CLVS2: variants seen among roughly 807,000 people sequenced by gnomAD.
CLVS2 encodes clavesin 2.
A neutral mutation model predicts 29.0 loss-of-function variants in CLVS2; 19 were observed. That is an observed-to-expected ratio of 0.66 (90% CI 0.46 to 0.96). The LOEUF is 0.96. Among genes scored for constraint, CLVS2 ranks in the 40% least tolerant of loss-of-function variants. The pLI is 0.00. For synonymous variants in CLVS2, 161 were observed against 151.3 expected (o/e 1.06, Z -0.47); for missense variants, 294 against 404.1 (o/e 0.73, Z 2.34).
chr6:123,052,737 A>ACTATTCTCGCGCCT (rs1205520780), intron 4 of CLVS2, among the ~76,000 whole-genome samples: 1 of 134,138 alleles, frequency 7.5e-6, no homozygotes, highest in Non-Finnish European at 1.6e-5. Context: ...GTGGAAGAAT[A>ACTATTCTCGCGCCT]GTGACACCAT....
chr6:123,058,371 AG>A (rs1772725425), intron 5 of CLVS2, among the ~76,000 whole-genome samples: 1 of 152,104 alleles, frequency 6.6e-6, no homozygotes, highest in African/African-American at 2.4e-5. Flanking sequence ...GGTGTCCACT[AG>A]TGTTCTTCTT....
chr6:123,055,718 T>C, intron 4 of CLVS2, 88 bp from the exon 5 acceptor site: 1 of 909,966 alleles, frequency 1.1e-6, no homozygotes. Flanking sequence ...TATTTGCTAT[T>C]GCTATCCTCA....
At chr6:123,039,900 C>G (rs192127118) in intron 3 of CLVS2, among the ~76,000 whole-genome samples, 2 of 152,230 alleles carry the variant, frequency 1.3e-5, no homozygotes, top group East Asian at 3.9e-4. Flanking sequence ...CAGTATTCTA[C>G]TTTAAGTTGT....
At chr6:123,047,688 A>C (rs974621496) in intron 3 of CLVS2, among the ~76,000 whole-genome samples, 1 of 152,058 alleles carries the variant, frequency 6.6e-6, no homozygotes, top group South Asian at 2.1e-4. Flanking sequence ...CTCTAAATAG[A>C]ATTCAGAAGA....
intron 3 of CLVS2, among the ~76,000 whole-genome samples, chr6:123,037,442 C>T (rs1052604870): frequency 2.0e-5 from 3 of 152,172 alleles, no homozygotes; most frequent in African/African-American, 7.2e-5. Flanking sequence ...TCTCCAACTT[C>T]ACTTTCTCTC....
intron 3 of CLVS2, among the ~76,000 whole-genome samples, chr6:123,036,443 T>G (rs539986971): frequency 6.6e-6 from 1 of 152,204 alleles, no homozygotes; most frequent in African/African-American, 2.4e-5. Context: ...AGTAAAATCT[T>G]TGAAGCATTG....
chr6:123,022,839 A>G (rs1006392637), intron 3 of CLVS2, among the ~76,000 whole-genome samples: 1 of 152,036 alleles, frequency 6.6e-6, no homozygotes, highest in Non-Finnish European at 1.5e-5. Flanking sequence ...TCTTAAGATG[A>G]CTAAGAGAAA....
rs1232063430 is a variant in CLVS2, at chr6:123,063,713, G to A, written c.936G>A (p.Met312Ile). ...TGGATCCTACAGTACTAAAACGCAT[G>A]GATAAAAATGAGGAAGAAAACATGC... is the stretch of plus-strand genomic sequence containing the variant. ...SVVDPTVLKR[M>I]DKNEEENMQP... The change falls in exon 6 of 6, where the codon ATG (methionine) becomes ATA (isoleucine). Residue 312 changes from methionine (M) to isoleucine (I), a missense_variant. Physicochemically the swap from Met to Ile is conservative, Grantham distance 10. Transcript: ENST00000275162. 1.9e-6 allele frequency: 3 copies of A among 1,612,202 alleles called. No homozygotes were observed. The South Asian group carries it at 3.3e-5, about 18-fold the overall frequency.
intron 3 of CLVS2, among the ~76,000 whole-genome samples, chr6:123,031,983 C>T (rs1164320461): frequency 1.3e-5 from 2 of 152,026 alleles, no homozygotes; most frequent in Non-Finnish European, 2.9e-5. Context: ...GTTAACTTTT[C>T]TTAACACTTT....
At chr6:123,023,646 A>G (rs1425251652) in intron 3 of CLVS2, among the ~76,000 whole-genome samples, 2 of 152,122 alleles carry the variant, frequency 1.3e-5, no homozygotes, top group Admixed American at 6.6e-5. Context: ...TAGGAAAATC[A>G]CATTTTGATT....
chr6:123,024,973 A>G (rs2114326134), intron 3 of CLVS2, among the ~76,000 whole-genome samples: 1 of 152,284 alleles, frequency 6.6e-6, no homozygotes, highest in Non-Finnish European at 1.5e-5. Flanking sequence ...ATATACGCCT[A>G]GGATACCATG....
chr6:123,008,127 GGAGTT>G (rs1214055946), intron 2 of CLVS2, among the ~76,000 whole-genome samples: 1 of 152,102 alleles, frequency 6.6e-6, no homozygotes, highest in Non-Finnish European at 1.5e-5. Flanking sequence ...ACAGAGGAGT[GGAGTT>G]AAGAGTGGTT....
chr6:123,041,442 T>C (rs543099448), intron 3 of CLVS2, among the ~76,000 whole-genome samples: 1 of 151,948 alleles, frequency 6.6e-6, no homozygotes, highest in Admixed American at 6.5e-5. Flanking sequence ...GATATGTCAC[T>C]TGGGCATTAT....
intron 3 of CLVS2, among the ~76,000 whole-genome samples, chr6:123,043,364 T>C (rs1245238355): frequency 1.3e-5 from 2 of 152,106 alleles, no homozygotes; most frequent in East Asian, 3.9e-4. Context: ...TCAAGTAGGA[T>C]TAATGCAATA....
intron 3 of CLVS2, among the ~76,000 whole-genome samples, chr6:123,027,357 GAGACTTT>G (rs1383851955): frequency 6.6e-6 from 1 of 152,142 alleles, no homozygotes; most frequent in Non-Finnish European, 1.5e-5. Context: ...AAGAAGTTTA[GAGACTTT>G]CGTAGCAAAC....
At chr6:123,045,472 G>A (rs1772478593) in intron 3 of CLVS2, among the ~76,000 whole-genome samples, 1 of 151,932 alleles carries the variant, frequency 6.6e-6, no homozygotes, top group Non-Finnish European at 1.5e-5. Context: ...AAAGAGGAAG[G>A]TGGGGTTCAG....
intron 3 of CLVS2, among the ~76,000 whole-genome samples, chr6:123,035,230 G>C (rs556641357): frequency 6.6e-6 from 1 of 152,002 alleles, no homozygotes; most frequent in Admixed American, 6.6e-5. Context: ...ACTTTTACAA[G>C]TGAAGGGTTT....
chr6:123,061,789 G>A (rs796353014), intron 5 of CLVS2, among the ~76,000 whole-genome samples: 1 of 152,276 alleles, frequency 6.6e-6, no homozygotes, highest in African/African-American at 2.4e-5. Context: ...TAGGGCAAAT[G>A]CTTAACTATT....
At chr6:123,057,083 T>A (rs1772702933) in intron 5 of CLVS2, among the ~76,000 whole-genome samples, 1 of 152,146 alleles carries the variant, frequency 6.6e-6, no homozygotes, top group Admixed American at 6.5e-5. Flanking sequence ...TTCTCAGACT[T>A]CCCAGGCAAC....
Sources: allele counts gnomAD v4.1 joint callset (sites outside exome capture counted in the v4.1 genomes callset), GRCh38; gene constraint gnomAD v4.1.1; transcripts MANE v1.5; gene names NCBI Gene and HGNC (gene_info 2026-07-23, HGNC 2026-07-21).